ZNF658: variants seen among roughly 807,000 people sequenced by gnomAD.
The protein encoded by ZNF658 is zinc finger protein 658.
Under a neutral mutation model 78.0 loss-of-function variants are expected in ZNF658, and 46 were observed. That is an observed-to-expected ratio of 0.59 (90% CI 0.47 to 0.75). The LOEUF is 0.75. Among genes scored for constraint, ZNF658 ranks in the 30% least tolerant of loss-of-function variants. The pLI is 0.00. For missense variants in ZNF658, 785 were observed against 1,189.3 expected, an observed-to-expected ratio of 0.66 and a Z score of 5.00; for synonymous variants, 279 against 408.4, an observed-to-expected ratio of 0.68 and a Z score of 3.82.
At position 66,921,013 on chromosome 9, in the gene ZNF658, A is replaced by T. The variant is rs1270990892; in HGVS notation, c.*267A>T. 3.9e-6 allele frequency: 2 copies of T among 513,996 alleles called. No homozygotes were observed. The highest frequency in any genetic ancestry group is 7.0e-6 in the Non-Finnish European group (2 of 285,384). 31.8% of individuals were successfully genotyped at this position (513,996 alleles called of 1,614,324 possible). On this transcript the variant is annotated 3_prime_UTR_variant, in exon 5 of 5. Coordinates refer to ENST00000621410, the MANE Select transcript of ZNF658 (RefSeq NM_033160.7). ...GGATTTGGAGGTTATTTCTGCAGCA[A>T]ACTTGGGTCCTGTGTGTTCAAAACC...
chr9:66,908,819 T>A (rs982162677), intron 4 of ZNF658, 85 bp downstream of exon 4: 168 of 775,792 alleles, frequency 2.2e-4, no homozygotes, highest in Admixed American at 1.1e-3. Context: ...TTGGAACAGC[T>A]TTATTGAGAT....
At chr9:66,901,647 A>G (rs1270048098) in intron 1 of ZNF658, among the ~76,000 whole-genome samples, 4 of 152,098 alleles carry the variant, frequency 2.6e-5, no homozygotes, top group Non-Finnish European at 5.9e-5. Flanking sequence ...AAACACAAAT[A>G]TAAATCAGAA....
intron 4 of ZNF658, among the ~76,000 whole-genome samples, chr9:66,910,130 A>G (rs1296416364): frequency 1.3e-5 from 2 of 152,256 alleles, no homozygotes; most frequent in East Asian, 1.9e-4. Context: ...TTGTCTGCAA[A>G]TACAGTTACA....
chr9:66,909,678 AC>A (rs1177578187), intron 4 of ZNF658, among the ~76,000 whole-genome samples: 1 of 152,156 alleles, frequency 6.6e-6, no homozygotes, highest in African/African-American at 2.4e-5. Context: ...TCCGTTCCTA[AC>A]AACAGCATAT....
chr9:66,913,501 C>T (rs1218558271), intron 4 of ZNF658, among the ~76,000 whole-genome samples: 1 of 151,998 alleles, frequency 6.6e-6, no homozygotes, highest in Non-Finnish European at 1.5e-5. Flanking sequence ...ACTGGACTTC[C>T]TTCCCCACGT....
Position 66,918,272 on chromosome 9 carries a change from T to A in ZNF658, c.706T>A (p.Phe236Ile). Residue 236 changes from phenylalanine (F) to isoleucine (I), a missense_variant, in exon 5 of 5, where the codon TTT (phenylalanine) becomes ATT (isoleucine). Physicochemically the swap from Phe to Ile is conservative, Grantham distance 21 (BLOSUM62 0). This residue lies in a region of ZNF658 where 393 missense variants were observed against 400.2 expected (regional missense o/e 0.98). Coordinates refer to ENST00000621410, the MANE Select transcript of ZNF658 (RefSeq NM_033160.7). ...DKTICITPQSFLTGEKSCKDD... is the reference protein window; with the variant it reads ...DKTICITPQSILTGEKSCKDD... ...GACAATTTGTATTACACCTCAGAGT[T>A]TTCTAACAGGAGAAAAGTCCTGTAA... 1 of 1,613,484 alleles carries A rather than the reference T, an allele frequency of 6.2e-7. No homozygotes were observed. The highest frequency in any genetic ancestry group is 8.5e-7 in the Non-Finnish European group (1 of 1,179,696).
chr9:66,912,955 C>T lies in ZNF658; in HGVS notation c.238+4221C>T, dbSNP rs544350588. Among the ~76,000 whole-genome samples the T allele has an allele frequency of 6.6e-3, 994 of 150,228 alleles. 14 individuals are homozygous for T. The highest frequency in any genetic ancestry group is 0.022 in the African/African-American group (890 of 40,918). ...CCCAGCTGCTTGGGAGGCTGAGGCACGAGAATTGCTTGAATCTGGGAGGTG... is the reference window on the plus strand; with the variant it reads ...CCCAGCTGCTTGGGAGGCTGAGGCATGAGAATTGCTTGAATCTGGGAGGTG... On this transcript the variant is annotated intron_variant, in intron 4 of 4. Transcript: ENST00000621410.
intron 2 of ZNF658, among the ~76,000 whole-genome samples, chr9:66,905,050 CT>C (rs1564168780): frequency 1.4e-5 from 1 of 72,376 alleles, no homozygotes; most frequent in Non-Finnish European, 2.8e-5. Context: ...TTTCTTTTTT[CT>C]TTTCTCTTTT....
At chr9:66,928,657 C>A (rs1822609230) in intron 6 of ZNF658, among the ~76,000 whole-genome samples, 1 of 151,356 alleles carries the variant, frequency 6.6e-6, no homozygotes, top group South Asian at 2.1e-4. Context: ...TGGAGACCAT[C>A]CTGGCTAACA....
In ZNF658 at chr9:66,908,278, G is replaced by A. The variant is rs150403691; in HGVS notation, c.56G>A (p.Arg19Gln). Reference sequence around the variant, plus strand: ...CAGGACGTGACTGTGGAATTCACCCGGGAGGAGTGGCAGCACCTGGGCCCT... The same window carrying A: ...CAGGACGTGACTGTGGAATTCACCCAGGAGGAGTGGCAGCACCTGGGCCCT... ...SFQDVTVEFT[R>Q]EEWQHLGPVE... The change falls in exon 3 of 5, where the codon CGG becomes CAG. Residue 19 changes from arginine to glutamine, a missense_variant. Arg to Gln is a conservative substitution (Grantham distance 43). Coordinates refer to ENST00000621410, the MANE Select transcript of ZNF658 (RefSeq NM_033160.7). 1,105 of 1,613,678 alleles carry A rather than the reference G, an allele frequency of 6.8e-4. 1 individual carries two copies. The African/African-American group carries it at 0.01, about 15-fold the overall frequency.
chr9:66,931,820 A>C (rs986168438), intron 6 of ZNF658, among the ~76,000 whole-genome samples: 7 of 140,910 alleles, frequency 5.0e-5, no homozygotes, highest in Non-Finnish European at 1.1e-4. Context: ...TACAAGCAAC[A>C]TATCTGTGAC....
chr9:66,908,295 C>T lies in ZNF658; in HGVS notation c.73C>T (p.Leu25=). 2 of 1,614,112 alleles carry T rather than the reference C, an allele frequency of 1.2e-6. No individual in the cohort carries two copies. The highest frequency in any genetic ancestry group is 1.7e-6 in the Non-Finnish European group (2 of 1,180,016). The change falls in exon 3 of 5, where the codon CTG becomes TTG. Residue 25 remains leucine, a synonymous_variant. Coordinates refer to ENST00000621410, the MANE Select transcript of ZNF658 (RefSeq NM_033160.7). ...VEFTREEWQH[L]GPVERTLYRD... is the part of the protein sequence containing the mutation. ...ATTCACCCGGGAGGAGTGGCAGCAC[C>T]TGGGCCCTGTCGAGAGGACGCTGTA...
At chr9:66,914,249 ATT>A (rs994555513) in intron 4 of ZNF658, among the ~76,000 whole-genome samples, 1 of 149,620 alleles carries the variant, frequency 6.7e-6, no homozygotes, top group Non-Finnish European at 1.5e-5. Context: ...GGCTTTTTTA[ATT>A]TTTGTTTTTA....
chr9:66,907,406 C>T (rs1185033097), intron 2 of ZNF658, among the ~76,000 whole-genome samples: 9 of 152,072 alleles, frequency 5.9e-5, no homozygotes, highest in Admixed American at 1.3e-4. Flanking sequence ...ATATACATTA[C>T]TTTATTTTTC....
At position 66,918,504 on chromosome 9, in the gene ZNF658, C is replaced by T; in HGVS notation, c.938C>T (p.Thr313Ile). The T allele has an allele frequency of 6.2e-7, 1 of 1,606,734 alleles. No homozygotes were observed. Among genetic ancestry groups the T allele is most frequent in the Non-Finnish European group, 8.5e-7 (1 of 1,174,146 alleles). The change falls in exon 5 of 5, where the codon ACT becomes ATT. Residue 313 changes from threonine to isoleucine, a missense_variant. Around this residue, in one of 12 missense-constraint regions of ZNF658, gnomAD observed 393 missense variants for 400.2 expected, o/e 0.98. Transcript: ENST00000621410. The part of the protein sequence containing the change: ...GINFSRKSPL[T>I]QSQRTITGWS... ...AATTTCAGTAGGAAGTCACCCCTCA[C>T]TCAATCTCAGAGAACTATTACAGGA...
Position 66,929,645 on chromosome 9 carries a change from G to C in ZNF658, c.*55-2380G>C, listed in dbSNP as rs1472636875. Among the ~76,000 whole-genome samples the C allele has an allele frequency of 4.0e-5, 6 of 148,168 alleles. No homozygotes were observed. The Admixed American group carries it at 4.1e-4, about 10-fold the overall frequency. ...TAGGAAACTATGCAGGTAACTAATG[G>C]GATTATGACAAAACTCTTCAGGAAT... On this transcript the variant is annotated intron_variant and NMD_transcript_variant, in intron 6 of 6. Coordinates refer to the ZNF658 transcript ENST00000622180.
rs777925656 is a variant in ZNF658 at position 66,918,654 on chromosome 9, AC to A, written c.1090del (p.Gln364ArgfsTer3). ...CATAATGAATGTACAGATGCCCTCT[AC>A]CAGAAATTAGACTTTACAGCACATC... is the stretch of plus-strand genomic sequence containing the variant. ...GEHNECTDAL[Y>X]QKLDFTAHQR... On this transcript the variant is annotated frameshift_variant, in exon 5 of 5. Coordinates refer to ENST00000621410, the MANE Select transcript of ZNF658 (RefSeq NM_033160.7). LOFTEE classifies it high-confidence loss of function. 14 of 1,613,658 alleles carry A rather than the reference AC, an allele frequency of 8.7e-6. No homozygotes were observed. The African/African-American group carries it at 1.9e-4, about 22-fold the overall frequency.
intron 1 of ZNF658, 154 bp from the exon 2 acceptor site, chr9:66,903,364 C>T (rs562583967): frequency 1.6e-5 from 9 of 564,630 alleles, no homozygotes; most frequent in African/African-American, 1.5e-4. Flanking sequence ...TTTTTAGGCA[C>T]ATGAATAGGA....
rs1821936185 is a variant in ZNF658, at chr9:66,900,841, G to C, written c.-45+5G>C. The C allele has an allele frequency of 6.6e-6, 1 of 152,226 alleles. No homozygotes were observed. The highest frequency in any genetic ancestry group is 6.5e-5 in the Admixed American group (1 of 15,292). 9.4% of individuals were successfully genotyped at this position (152,226 alleles called of 1,614,324 possible). A position where few individuals can be genotyped will look rare whatever the true frequency, so the allele number is the denominator to read the frequency against. On this transcript the variant is annotated splice_donor_5th_base_variant and intron_variant, in intron 1 of 4. Transcript: ENST00000621410. ...AGCCGAGGCTGCGCACCTGGGGTGA[G>C]AGCGTCGGTGACAGGGCTCCGCGCG...
Sources: gnomAD v4.1 joint callset for allele counts (sites outside exome capture counted in the v4.1 genomes callset) on GRCh38, gnomAD v4.1.1 for gene constraint, gnomAD v4.1.1 regional missense constraint, MANE v1.5 for transcripts, NCBI Gene and HGNC (gene_info 2026-07-23, HGNC 2026-07-21) for gene names.